BAG6: variants seen among roughly 807,000 people sequenced by gnomAD.
The protein encoded by BAG6 is BAG cochaperone 6.
A neutral mutation model predicts 121.0 loss-of-function variants in BAG6; 22 were observed. The observed-to-expected ratio is 0.18, with a 90% CI of 0.13 to 0.26. The LOEUF is 0.26. BAG6 is among the 10% of genes least tolerant of loss of function. The pLI, the probability that BAG6 is intolerant of heterozygous loss-of-function variation, is 1.00. For synonymous variants in BAG6, 583 were observed against 584.6 expected, an observed-to-expected ratio of 1.00 and a Z score of 0.04; for missense variants, 1,233 against 1,537.7, an observed-to-expected ratio of 0.80 and a Z score of 3.31.
Position 31,640,956 on chromosome 6 carries a change from G to C in BAG6, c.2788-18C>G. 6.2e-7 allele frequency: 1 copy of C among 1,609,278 alleles called. No individual in the cohort carries two copies. The highest frequency in any genetic ancestry group is 8.5e-7 in the Non-Finnish European group (1 of 1,177,570). On this transcript the variant is annotated intron_variant, in intron 20 of 25. Coordinates refer to ENST00000676615, the MANE Select transcript of BAG6 (RefSeq NM_001387994.1). This position sits in a 1 kb window ranked among gnomAD's most constrained non-coding sequence, Gnocchi z 4.2. ...ATACGACGCTGAGGGACAGAAAGCA[G>C]ATTTAGAACACAAAACCCTCAACCA...
rs773169782 is a variant in BAG6 at position 31,641,179 on chromosome 6, A to C, written c.2712T>G (p.Phe904Leu). 3.7e-6 allele frequency: 6 copies of C among 1,613,720 alleles called. No homozygotes were observed. Among genetic ancestry groups the C allele is most frequent in the African/African-American group, 2.7e-5 (2 of 74,930 alleles). ...AGTGCAGGTTTAGGGCCAGGCATTC[A>C]AACAGGCCTTGGTTACACAACTCCA... is the stretch of plus-strand genomic sequence containing the variant. ...RLLELCNQGL[F>L]ECLALNLHCL... The change falls in exon 20 of 26, where the codon TTT becomes TTG. Residue 904 changes from phenylalanine (F) to leucine (L), a missense_variant. Phe to Leu is a conservative substitution (Grantham distance 22, BLOSUM62 0). Coordinates refer to ENST00000676615, the MANE Select transcript of BAG6 (RefSeq NM_001387994.1). This position sits in a 1 kb window ranked among gnomAD's most constrained non-coding sequence, Gnocchi z 5.7.
At chr6:31,646,760 A>ATTT (rs1789870409) in intron 7 of BAG6, among the ~76,000 whole-genome samples, 1 of 98,860 alleles carries the variant, frequency 1.0e-5, no homozygotes, top group Non-Finnish European at 2.2e-5. Flanking sequence ...CACCCGGCTA[A>ATTT]TTTTTGTTTT....
chr6:31,639,056 CTT>C lies in BAG6; in HGVS notation c.*73_*74del. On this transcript the variant is annotated 3_prime_UTR_variant, in exon 26 of 26. Transcript: ENST00000676615. ...AGAGAAAGCAGCCAGAAAAATCCGA[CTT>C]TTATTTCTTAAATACTGTGAAGGAA... The C allele has an allele frequency of 7.6e-7, 1 of 1,312,744 alleles. No homozygotes were observed. The highest frequency in any genetic ancestry group is 1.1e-6 in the Non-Finnish European group (1 of 944,884). The allele number at this position is 1,312,744 out of a possible 1,614,324, so 81.3% of individuals were successfully genotyped here.
chr6:31,646,597 A>G (rs1374628165), intron 7 of BAG6, 74 bp from the exon 8 acceptor site: 21 of 1,559,744 alleles, frequency 1.3e-5, no homozygotes, highest in Non-Finnish European at 1.7e-5. Context: ...CAGGGACCAC[A>G]TGTGCCCTCT....
rs1001606738 is a variant in BAG6 at position 31,648,891 on chromosome 6, C to G, written c.477+20G>C. On this transcript the variant is annotated intron_variant, in intron 5 of 25. Coordinates refer to ENST00000676615, the MANE Select transcript of BAG6 (RefSeq NM_001387994.1). ...CTTCTCCCAGATCCCCTTCCCTGAC[C>G]CTCGGAGGCCCCTCAATACCTGAAT... 1.9e-5 allele frequency: 30 copies of G among 1,545,870 alleles called. No individual in the cohort carries two copies. The highest frequency in any genetic ancestry group is 2.6e-5 in the Non-Finnish European group (30 of 1,146,954).
Position 31,644,017 on chromosome 6 carries a change from C to T in BAG6, c.1669-40G>A. On this transcript the variant is annotated intron_variant, in intron 13 of 25. Coordinates refer to ENST00000676615, the MANE Select transcript of BAG6 (RefSeq NM_001387994.1). This position sits in a 1 kb window ranked among gnomAD's most constrained non-coding sequence, Gnocchi z 4.9. ...AGGGAGAATTTCAGACCTGCCCTTC[C>T]ATGCACCACCACAGGAGTCTCTCCC... 1 of 1,613,328 alleles carries T rather than the reference C, an allele frequency of 6.2e-7. No homozygotes were observed. Among genetic ancestry groups the T allele is most frequent in the Non-Finnish European group, 8.5e-7 (1 of 1,179,452 alleles).
chr6:31,647,913 T>C, intron 6 of BAG6, 87 bp from the exon 7 acceptor site: 2 of 1,429,174 alleles, frequency 1.4e-6, no homozygotes, highest in Non-Finnish European at 1.8e-6. Context: ...AGAGAAAGTA[T>C]CCTAACTAGA....
chr6:31,643,829 G>A, intron 14 of BAG6, 61 bp downstream of exon 14: 1 of 1,520,132 alleles, frequency 6.6e-7, no homozygotes. Context: ...GAACTGGAAA[G>A]TGCCAGTGAG....
chr6:31,644,290 C>T lies in BAG6; in HGVS notation c.1555+17G>A. ...GACTGTGCCCTACCTCCCAAGCCTC[C>T]CCTTCCAGGTCATTACCTGCGGCCG... On this transcript the variant is annotated intron_variant, in intron 12 of 25. Coordinates refer to ENST00000676615, the MANE Select transcript of BAG6 (RefSeq NM_001387994.1). This position sits in a 1 kb window ranked among gnomAD's most constrained non-coding sequence, Gnocchi z 4.9. 6.4e-7 allele frequency: 1 copy of T among 1,553,552 alleles called. No individual in the cohort carries two copies. The highest frequency in any genetic ancestry group is 8.7e-7 in the Non-Finnish European group (1 of 1,147,964).
At chr6:31,652,361 C>CACACACACACACACACACACACACACACA (rs753850519) in intron 1 of BAG6, 63 bp downstream of exon 1, 6 of 110,318 alleles carry the variant, frequency 5.4e-5, no homozygotes, top group East Asian at 3.1e-4. Context: ...ACACACACAC[C>CACACACACACACACACACACACACACACA]CACCACCCCG....
At chr6:31,649,423 CAT>C (rs1337096099) in intron 3 of BAG6, 28 bp from the exon 4 acceptor site, 1 of 1,606,458 alleles carries the variant, frequency 6.2e-7, no homozygotes, top group Non-Finnish European at 8.5e-7. Flanking sequence ...CACACCAAAA[CAT>C]AGTATGAACA....
chr6:31,642,302 T>C lies in BAG6; in HGVS notation c.2145A>G (p.Ala715=). The C allele has an allele frequency of 7.4e-7, 1 of 1,348,672 alleles. No homozygotes were observed. The highest frequency in any genetic ancestry group is 1.2e-5 in the South Asian group (1 of 85,302). 83.5% of individuals were successfully genotyped at this position (1,348,672 alleles called of 1,614,324 possible). A position where few individuals can be genotyped will look rare whatever the true frequency, so the allele number is the denominator to read the frequency against. Reference sequence around the variant, plus strand: ...CAAGACCCAGGCCTCCAGGACTCCCTGCGCCACCAGAAGGGGAGCCTGGTG... The same window carrying C: ...CAAGACCCAGGCCTCCAGGACTCCCCGCGCCACCAGAAGGGGAGCCTGGTG... The part of the protein sequence containing the change: ...MPPPGSPSGG[A]GSPGGLGLES... The change falls in exon 16 of 26, where the codon GCA becomes GCG. Residue 715 remains alanine, a synonymous_variant. Transcript: ENST00000676615.
At position 31,644,035 on chromosome 6, in the gene BAG6, T is replaced by C; in HGVS notation, c.1668+47A>G. The C allele has an allele frequency of 1.9e-6, 3 of 1,612,044 alleles. No homozygotes were observed. The highest frequency in any genetic ancestry group is 2.5e-6 in the Non-Finnish European group (3 of 1,178,932). On this transcript the variant is annotated intron_variant, in intron 13 of 25. Coordinates refer to ENST00000676615, the MANE Select transcript of BAG6 (RefSeq NM_001387994.1). This position sits in a 1 kb window ranked among gnomAD's most constrained non-coding sequence, Gnocchi z 4.9. ...GCCCTTCCATGCACCACCACAGGAG[T>C]CTCTCCCTAGACTGTTACGCACTAG...
intron 1 of BAG6, 89 bp from the exon 2 acceptor site, chr6:31,651,865 C>T: frequency 1.1e-6 from 1 of 928,924 alleles, no homozygotes; most frequent in South Asian, 1.3e-5. Flanking sequence ...TGCCCCAATA[C>T]CTAAAAAGTT....
chr6:31,641,767 T>C lies in BAG6; in HGVS notation c.2505+9A>G, dbSNP rs1368161452. 5 of 1,612,546 alleles carry C rather than the reference T, an allele frequency of 3.1e-6. No homozygotes were observed. Among genetic ancestry groups the C allele is most frequent in the African/African-American group, 2.7e-5 (2 of 74,848 alleles). ...GAGGAGAGTTCTGGGGCCCCTGGCC[T>C]TCATTTACCCGGATGTTACTGGGTG... On this transcript the variant is annotated intron_variant, in intron 17 of 25. Coordinates refer to ENST00000676615, the MANE Select transcript of BAG6 (RefSeq NM_001387994.1). The surrounding 1 kb of genome is among the most constrained non-coding windows in gnomAD (Gnocchi z 5.7).
At chr6:31,647,439 C>A in intron 7 of BAG6, 152 bp downstream of exon 7, 2 of 1,140,970 alleles carry the variant, frequency 1.8e-6, no homozygotes, top group Non-Finnish European at 2.5e-6. Context: ...CGTCATTTAC[C>A]TATACCGAGA....
intron 2 of BAG6, among the ~76,000 whole-genome samples, chr6:31,650,537 C>T (rs977937358): frequency 1.3e-5 from 2 of 151,882 alleles, no homozygotes; most frequent in South Asian, 2.1e-4. Flanking sequence ...TAGTAGGCGT[C>T]GTCTGTAATC....
rs202000547 is a variant in BAG6, at chr6:31,640,252, G to T, written c.3193C>A (p.Gln1065Lys). The T allele has an allele frequency of 6.2e-7, 1 of 1,614,242 alleles. No individual in the cohort carries two copies. The highest frequency in any genetic ancestry group is 2.2e-5 in the East Asian group (1 of 44,888). The change falls in exon 24 of 26, where the codon CAG becomes AAG. Residue 1065 changes from glutamine to lysine, a missense_variant. By Grantham distance (53) the Gln-to-Lys change is moderately conservative. This residue lies in a region of BAG6 where 288 missense variants were observed against 483.1 expected (regional missense o/e 0.60). Transcript: ENST00000676615. This position sits in a 1 kb window ranked among gnomAD's most constrained non-coding sequence, Gnocchi z 4.2. ...AGGTAGGCATCACTCAGAGGGGGCT[G>T]CGGTTTCACCTTCCGCTGGCTCTGA... ...DIQSQRKVKPQPPLSDAYLSG... is the reference protein window; with the variant it reads ...DIQSQRKVKPKPPLSDAYLSG...
At chr6:31,651,403 G>A (rs940963688) in intron 2 of BAG6, among the ~76,000 whole-genome samples, 1 of 152,182 alleles carries the variant, frequency 6.6e-6, no homozygotes. Flanking sequence ...GCTGGGTATA[G>A]TGGCACACGC....
Sources: allele counts gnomAD v4.1 joint callset (sites outside exome capture counted in the v4.1 genomes callset), GRCh38; gene constraint gnomAD v4.1.1; regional missense constraint gnomAD v4.1.1; non-coding constraint Gnocchi (gnomAD v3.1); transcripts MANE v1.5; gene names NCBI Gene and HGNC (gene_info 2026-07-23, HGNC 2026-07-21).